RTN1: variants seen among roughly 807,000 people sequenced by gnomAD.
RTN1 encodes the protein reticulon 1, also known as reticulon-1.
In RTN1, 25 loss-of-function variants were observed where a neutral mutation model predicts 65.5. That is an observed-to-expected ratio of 0.38 (90% CI 0.28 to 0.53). The LOEUF (loss-of-function observed/expected upper bound fraction) is 0.53. Among genes scored for constraint, RTN1 ranks in the 20% least tolerant of loss-of-function variants. RTN1 has a pLI of 0.79. For missense variants in RTN1, 983 were observed against 1,025.4 expected (o/e 0.96, Z 0.57); for synonymous variants, 471 against 447.6 (o/e 1.05, Z -0.66).
chr14:59,788,769 C>T (rs1399066280), intron 1 of RTN1, among the ~76,000 whole-genome samples: 5 of 152,040 alleles, frequency 3.3e-5, no homozygotes, highest in Non-Finnish European at 7.4e-5. Flanking sequence ...ATTTTCATAC[C>T]TTGATAGGTT....
chr14:59,767,042 A>C (rs187263771), intron 1 of RTN1, among the ~76,000 whole-genome samples: 19 of 152,266 alleles, frequency 1.2e-4, no homozygotes, highest in Non-Finnish European at 2.2e-4. Context: ...ACAACAACAA[A>C]AAAACATAAT....
chr14:59,636,518 T>A (rs1882669344), intron 3 of RTN1, among the ~76,000 whole-genome samples: 1 of 152,230 alleles, frequency 6.6e-6, no homozygotes, highest in South Asian at 2.1e-4. Flanking sequence ...TTTTTCTTTA[T>A]AAATAACCCA....
intron 2 of RTN1, among the ~76,000 whole-genome samples, chr14:59,741,168 C>A (rs551935052): frequency 6.6e-6 from 1 of 152,312 alleles, no homozygotes; most frequent in Admixed American, 6.5e-5. Context: ...TTCCTTCCCC[C>A]TCCTCCAGCC....
chr14:59,828,561 T>C (rs1057075324), intron 1 of RTN1, among the ~76,000 whole-genome samples: 7 of 152,176 alleles, frequency 4.6e-5, no homozygotes, highest in African/African-American at 1.7e-4. Flanking sequence ...TCTATTTACA[T>C]ACCAGCAGCA....
intron 2 of RTN1, among the ~76,000 whole-genome samples, chr14:59,730,629 A>C (rs1430796963): frequency 6.6e-6 from 1 of 152,238 alleles, no homozygotes; most frequent in Non-Finnish European, 1.5e-5. Flanking sequence ...CATATCTAGA[A>C]TATATGACAA....
chr14:59,757,788 C>T (rs1442501609), intron 1 of RTN1, among the ~76,000 whole-genome samples: 2 of 152,168 alleles, frequency 1.3e-5, no homozygotes, highest in African/African-American at 4.8e-5. Flanking sequence ...TAAATGTTTG[C>T]TGCTTATAAG....
chr14:59,622,584 T>C (rs1882285798), intron 3 of RTN1, among the ~76,000 whole-genome samples: 1 of 152,220 alleles, frequency 6.6e-6, no homozygotes, highest in African/African-American at 2.4e-5. Flanking sequence ...AGCCAGTTTT[T>C]TTCTGACTGA....
intron 1 of RTN1, among the ~76,000 whole-genome samples, chr14:59,827,371 C>A (rs564414480): frequency 9.9e-5 from 15 of 152,176 alleles, no homozygotes; most frequent in African/African-American, 3.6e-4. Context: ...AGCCACCGCG[C>A]CCCGCTGTAT....
intron 1 of RTN1, among the ~76,000 whole-genome samples, chr14:59,828,774 C>T (rs1887076793): frequency 6.6e-6 from 1 of 152,084 alleles, no homozygotes; most frequent in Non-Finnish European, 1.5e-5. Context: ...ACGAAAATCT[C>T]ATAGTGGGGG....
chr14:59,746,169 G>A lies in RTN1; in HGVS notation c.554C>T (p.Pro185Leu). Residue 185 changes from proline to leucine, a missense_variant, in exon 2 of 9, where the codon CCT (proline) becomes CTT (leucine). Physicochemically the swap from Pro to Leu is moderately conservative, Grantham distance 98 (BLOSUM62 -3). Around this residue, in one of 2 missense-constraint regions of RTN1, gnomAD observed 818 missense variants for 801.8 expected, o/e 1.02. Transcript: ENST00000267484. ...STEVNKILAD[P>L]LDQMKAEAYK... ...GGCCTCTGCTTTCATCTGGTCCAGAGGGTCTGCTAAGATCTTGTTCACTTC... is the reference window on the plus strand; with the variant it reads ...GGCCTCTGCTTTCATCTGGTCCAGAAGGTCTGCTAAGATCTTGTTCACTTC... 4.4e-6 allele frequency: 7 copies of A among 1,606,840 alleles called. No homozygotes were observed. The highest frequency in any genetic ancestry group is 5.1e-6 in the Non-Finnish European group (6 of 1,177,414).
chr14:59,737,833 C>T (rs1885031672), intron 2 of RTN1, among the ~76,000 whole-genome samples: 1 of 151,900 alleles, frequency 6.6e-6, no homozygotes. Context: ...AATGGACCAG[C>T]ATAAAGAAAC....
chr14:59,863,201 A>G (rs1003423787), intron 1 of RTN1, among the ~76,000 whole-genome samples: 2 of 145,472 alleles, frequency 1.4e-5, no homozygotes, highest in Non-Finnish European at 3.0e-5. Flanking sequence ...AATATTCTCC[A>G]TAGCAAAAAA....
intron 1 of RTN1, among the ~76,000 whole-genome samples, chr14:59,850,478 C>A (rs1324463853): frequency 6.6e-6 from 1 of 152,168 alleles, no homozygotes; most frequent in Non-Finnish European, 1.5e-5. Flanking sequence ...ATGCATATTG[C>A]TTTTGCACCA....
Position 59,746,135 on chromosome 14 carries a change from G to GT in RTN1, c.587dup (p.Tyr196Ter), listed in dbSNP as rs766583325. The part of the protein sequence containing the change: ...LDQMKAEAYK[Y>*]IDITRPEEVK... ...CCTCCTCGGGTCTGGTTATGTCAAT[G>GT]TATTTATAGGCCTCTGCTTTCATCT... The change falls in exon 2 of 9, where the codon TAC becomes TAAC. Residue 196 changes from tyrosine to a stop codon, truncating the protein, a stop_gained and frameshift_variant. Transcript: ENST00000267484. LOFTEE classifies it high-confidence loss of function. 6.2e-7 allele frequency: 1 copy of GT among 1,609,064 alleles called. No individual in the cohort carries two copies. Among genetic ancestry groups the GT allele is most frequent in the African/African-American group, 1.3e-5 (1 of 74,572 alleles).
At chr14:59,851,461 T>A (rs1354589741) in intron 1 of RTN1, among the ~76,000 whole-genome samples, 1 of 152,176 alleles carries the variant, frequency 6.6e-6, no homozygotes, top group Non-Finnish European at 1.5e-5. Flanking sequence ...AACAGCACAT[T>A]CACTTTCAAA....
At chr14:59,606,657 G>A (rs960618470) in intron 4 of RTN1, among the ~76,000 whole-genome samples, 16 of 152,220 alleles carry the variant, frequency 1.1e-4, no homozygotes, top group African/African-American at 3.9e-4. Context: ...AGCTGGCAGT[G>A]CTAACACCTC....
chr14:59,757,673 G>A (rs796831262), intron 1 of RTN1, among the ~76,000 whole-genome samples: 36 of 152,152 alleles, frequency 2.4e-4, no homozygotes, highest in African/African-American at 8.0e-4. Context: ...ACTTGAGGAC[G>A]CAGAGAGGAG....
chr14:59,777,047 C>T (rs1235407885), intron 1 of RTN1, among the ~76,000 whole-genome samples: 1 of 152,158 alleles, frequency 6.6e-6, no homozygotes, highest in Non-Finnish European at 1.5e-5. Flanking sequence ...TGACATGTCC[C>T]TCACCTAGGA....
chr14:59,720,169 A>G (rs904809180), intron 3 of RTN1, among the ~76,000 whole-genome samples: 1 of 152,222 alleles, frequency 6.6e-6, no homozygotes, highest in Non-Finnish European at 1.5e-5. Context: ...CCTAGAAATA[A>G]TAAGTGCTGG....
Sources: allele counts gnomAD v4.1 joint callset (sites outside exome capture counted in the v4.1 genomes callset), GRCh38; gene constraint gnomAD v4.1.1; regional missense constraint gnomAD v4.1.1; transcripts MANE v1.5; gene names NCBI Gene and HGNC (gene_info 2026-07-23, HGNC 2026-07-21).